Variants in ARSG observed in about 807,000 individuals in gnomAD.
The protein encoded by ARSG is ASG.
ARSG carries 37 observed loss-of-function variants against 50.5 expected under a neutral mutation model. That is an observed-to-expected ratio of 0.73 (90% CI 0.56 to 0.96). The LOEUF is 0.96. Among genes scored for constraint, ARSG ranks in the 50% least tolerant of loss-of-function variants. The pLI, the probability that ARSG is intolerant of heterozygous loss-of-function variation, is 0.00. For missense variants in ARSG, 629 were observed against 675.3 expected (o/e 0.93, Z 0.76); for synonymous variants, 225 against 254.6 (o/e 0.88, Z 1.11).
At chr17:68,431,489 C>T in the ARSG span, among the ~76,000 whole-genome samples, 355 of 151,662 alleles carry the variant, frequency 2.3e-3, 1 homozygote, top group Non-Finnish European at 3.8e-3. Context: ...CTCAGGGGGA[C>T]GGGAGGAGCT....
Position 68,420,607 on chromosome 17 carries a change from G to A in ARSG, c.*144G>A. 1.0e-6 allele frequency: 1 copy of A among 979,768 alleles called. No individual in the cohort carries two copies. Among genetic ancestry groups the A allele is most frequent in the South Asian group, 1.6e-5 (1 of 63,454 alleles). The allele number at this position is 979,768 out of a possible 1,614,324, so 60.7% of individuals were successfully genotyped here. ...GGAGTTAGCCTTGCATATCCCTTCTGTATCCTGTCCCTCCTCCACGCCGAC... is the reference window on the plus strand; with the variant it reads ...GGAGTTAGCCTTGCATATCCCTTCTATATCCTGTCCCTCCTCCACGCCGAC... On this transcript the variant is annotated 3_prime_UTR_variant, in exon 12 of 12. Transcript: ENST00000621439.
At chr17:68,435,843 G>A in the ARSG span, 3 of 793,916 alleles carry the variant, frequency 3.8e-6, no homozygotes, top group East Asian at 2.7e-5. Flanking sequence ...TGTCCCCCAG[G>A]CCATCTGCAT....
chr17:68,314,468 G>A (rs2076992179), intron 2 of ARSG, among the ~76,000 whole-genome samples: 1 of 151,300 alleles, frequency 6.6e-6, no homozygotes, highest in South Asian at 2.1e-4. Flanking sequence ...GGAAGTTGCA[G>A]TGAGCTGAGA....
chr17:68,271,699 TGGACTCAA>T lies in ARSG; in HGVS notation c.-552+12275_-552+12282del. 6.7e-7 allele frequency: 1 copy of T among 1,500,028 alleles called. No homozygotes were observed. The highest frequency in any genetic ancestry group is 9.1e-7 in the Non-Finnish European group (1 of 1,093,806). 92.9% of individuals were successfully genotyped at this position (1,500,028 alleles called of 1,614,324 possible). A position where few individuals can be genotyped will look rare whatever the true frequency, so the allele number is the denominator to read the frequency against. The stretch of plus-strand genomic sequence containing the variant: ...AGAAGAAATAATATAAGGTCAATAA[TGGACTCAA>T]GACCCAGGAGAAGCCATCAAGAAGA... On this transcript the variant is annotated intron_variant, in intron 1 of 11. Coordinates refer to the ARSG transcript ENST00000448504. The surrounding 1 kb of genome is among the most constrained non-coding windows in gnomAD (Gnocchi z 5.3).
At chr17:68,331,233 GTTTCTTTCTTTC>G (rs869049629) in intron 2 of ARSG, among the ~76,000 whole-genome samples, 1 of 84,926 alleles carries the variant, frequency 1.2e-5, no homozygotes, top group South Asian at 4.4e-4. Context: ...TTCTTTCTTT[GTTTCTTTCTTTC>G]TTTCTTTCTT....
chr17:68,435,214 A>AT, the ARSG span, among the ~76,000 whole-genome samples: 1 of 151,866 alleles, frequency 6.6e-6, no homozygotes, highest in Admixed American at 6.6e-5. Context: ...CTCAAAAAAA[A>AT]AAAAAAAATT....
At chr17:68,402,305 C>T (rs529858232) in intron 11 of ARSG, among the ~76,000 whole-genome samples, 3 of 151,946 alleles carry the variant, frequency 2.0e-5, no homozygotes, top group Admixed American at 6.6e-5. Context: ...AGTGCAGTGG[C>T]GTCATCTTGG....
chr17:68,401,455 G>T lies in ARSG; in HGVS notation c.1303+5G>T. ...ACAAGGCCTTCTACATTACCGGTGAGTGAGGGGCCACTTAGCCCTGCCTCC... is the reference window on the plus strand; with the variant it reads ...ACAAGGCCTTCTACATTACCGGTGATTGAGGGGCCACTTAGCCCTGCCTCC... On this transcript the variant is annotated splice_donor_5th_base_variant and intron_variant, in intron 11 of 11. Transcript: ENST00000621439. The T allele has an allele frequency of 1.2e-6, 2 of 1,613,476 alleles. No individual in the cohort carries two copies. Among genetic ancestry groups the T allele is most frequent in the Non-Finnish European group, 1.7e-6 (2 of 1,179,524 alleles).
chr17:68,279,662 A>G (rs2075631095), intron 1 of ARSG, among the ~76,000 whole-genome samples: 1 of 152,150 alleles, frequency 6.6e-6, no homozygotes, highest in South Asian at 2.1e-4. Flanking sequence ...GAACAAGCCA[A>G]CCTGTCTTAA....
chr17:68,315,914 G>A (rs1416044493), intron 2 of ARSG, among the ~76,000 whole-genome samples: 3 of 152,074 alleles, frequency 2.0e-5, no homozygotes, highest in Non-Finnish European at 2.9e-5. Context: ...TACAAAGTGC[G>A]TGGGTGGCAC....
At position 68,381,496 on chromosome 17, in the gene ARSG, T is replaced by C. The variant is rs2080432109; in HGVS notation, c.983-3568T>C. Among the ~76,000 whole-genome samples, 1 of 152,176 alleles carries C rather than the reference T, an allele frequency of 6.6e-6. No homozygotes were observed. The highest frequency in any genetic ancestry group is 2.1e-4 in the South Asian group (1 of 4,826). On this transcript the variant is annotated intron_variant, in intron 8 of 11. Transcript: ENST00000621439. The surrounding 1 kb of genome is among the most constrained non-coding windows in gnomAD (Gnocchi z 4.1). ...ATCAAAGTATGGAGGCTTATCTAAATGAATAGTGTTTGAAATTGAAAAGTG... is the reference window on the plus strand; with the variant it reads ...ATCAAAGTATGGAGGCTTATCTAAACGAATAGTGTTTGAAATTGAAAAGTG...
intron 1 of ARSG, among the ~76,000 whole-genome samples, chr17:68,291,821 C>T (rs997505077): frequency 1.1e-4 from 16 of 151,316 alleles, no homozygotes; most frequent in Non-Finnish European, 2.1e-4. Context: ...TCCCGGCGCG[C>T]CCACCGCCCA....
the ARSG span, among the ~76,000 whole-genome samples, chr17:68,432,317 C>T: frequency 6.6e-6 from 1 of 152,178 alleles, no homozygotes; most frequent in Non-Finnish European, 1.5e-5. Context: ...TTGCTTTAAT[C>T]ACACATGCCT....
chr17:68,273,993 C>T (rs782645752), intron 1 of ARSG: 11 of 1,614,122 alleles, frequency 6.8e-6, no homozygotes, highest in African/African-American at 4.0e-5. Flanking sequence ...GCCACCATCC[C>T]GGTGCTGACA....
At chr17:68,386,266 C>A (rs895853335) in intron 9 of ARSG, among the ~76,000 whole-genome samples, 2 of 152,150 alleles carry the variant, frequency 1.3e-5, no homozygotes, top group Admixed American at 1.3e-4. Flanking sequence ...TCCGTAGAAC[C>A]CTGTGCTCAT....
intron 1 of ARSG, among the ~76,000 whole-genome samples, chr17:68,303,611 G>A (rs1555762815): frequency 1.3e-5 from 2 of 152,120 alleles, no homozygotes; most frequent in African/African-American, 4.8e-5. Flanking sequence ...ACTATGCCTG[G>A]CTAATTTTTT....
At chr17:68,428,612 G>A in the ARSG span, 28 of 504,682 alleles carry the variant, frequency 5.5e-5, no homozygotes, top group East Asian at 9.7e-4. Context: ...CATCTTGTGT[G>A]TTATTAATCC....
the ARSG span, among the ~76,000 whole-genome samples, chr17:68,437,267 A>T: frequency 3.9e-5 from 6 of 152,044 alleles, no homozygotes; most frequent in Non-Finnish European, 8.8e-5. Flanking sequence ...AAACTGAGAA[A>T]TTTCAGGCCA....
At chr17:68,274,462 T>C (rs3785614) in intron 1 of ARSG, 28,802 of 156,580 alleles carry the variant, frequency 0.18, 2,989 homozygotes, top group East Asian at 0.27. Context: ...TGAGACCCTG[T>C]CTCAAGAAAA....
Sources: allele counts gnomAD v4.1 joint callset (sites outside exome capture counted in the v4.1 genomes callset), GRCh38; gene constraint gnomAD v4.1.1; non-coding constraint Gnocchi (gnomAD v3.1); transcripts MANE v1.5; gene names NCBI Gene and HGNC (gene_info 2026-07-23, HGNC 2026-07-21).